EML6: variants seen among roughly 807,000 people sequenced by gnomAD.
The protein encoded by EML6 is EMAP like 6, also known as echinoderm microtubule-associated protein-like 6.
In EML6, 154 loss-of-function variants were observed where a neutral mutation model predicts 240.1. The observed-to-expected ratio is 0.64, with a 90% confidence interval of 0.56 to 0.73. The LOEUF is 0.73. EML6 is among the 30% of genes least tolerant of loss of function. The pLI, the probability that EML6 is intolerant of heterozygous loss-of-function variation, is 0.00. For missense variants in EML6, 2,964 were observed against 2,474.6 expected, an observed-to-expected ratio of 1.20 and a Z score of -4.20; for synonymous variants, 1,148 against 899.0, an observed-to-expected ratio of 1.28 and a Z score of -4.95.
intron 18 of EML6, among the ~76,000 whole-genome samples, chr2:54,891,568 G>A (rs925287177): frequency 3.3e-5 from 5 of 152,116 alleles, no homozygotes; most frequent in Non-Finnish European, 7.4e-5. Context: ...CCACAAATAG[G>A]TGGTCCAATA....
intron 2 of EML6, among the ~76,000 whole-genome samples, chr2:54,799,854 G>GT (rs1670024700): frequency 6.6e-6 from 1 of 152,218 alleles, no homozygotes; most frequent in Non-Finnish European, 1.5e-5. Flanking sequence ...TGCTCAGTTT[G>GT]TTACTAGATA....
intron 2 of EML6, among the ~76,000 whole-genome samples, chr2:54,728,658 C>A (rs1683016702): frequency 6.6e-6 from 1 of 152,130 alleles, no homozygotes; most frequent in Non-Finnish European, 1.5e-5. Flanking sequence ...AAAATGTATG[C>A]AAAGGGTTTA....
intron 16 of EML6, among the ~76,000 whole-genome samples, chr2:54,877,370 C>T (rs1472640846): frequency 6.6e-6 from 1 of 152,118 alleles, no homozygotes; most frequent in Non-Finnish European, 1.5e-5. Context: ...TCTTCCTCAT[C>T]ATCAGTGTCA....
intron 2 of EML6, among the ~76,000 whole-genome samples, chr2:54,783,022 G>C (rs1199739378): frequency 6.6e-6 from 1 of 152,190 alleles, no homozygotes; most frequent in African/African-American, 2.4e-5. Context: ...TGCTGTCATT[G>C]CCCAATTAGC....
At chr2:54,934,337 ATGAGCTCCTCCCT>A (rs1675021461) in intron 28 of EML6, among the ~76,000 whole-genome samples, 3 of 151,962 alleles carry the variant, frequency 2.0e-5, no homozygotes, top group Non-Finnish European at 1.5e-5. Flanking sequence ...CCGCCCTCCC[ATGAGCTCCTCCCT>A]TGACGAGAGA....
At chr2:54,810,350 A>T (rs916446034) in intron 2 of EML6, among the ~76,000 whole-genome samples, 2 of 152,210 alleles carry the variant, frequency 1.3e-5, no homozygotes, top group South Asian at 4.1e-4. Context: ...CTTATTGAGT[A>T]ACTAAGGCTC....
chr2:54,812,476 T>G (rs1048421649), intron 2 of EML6, among the ~76,000 whole-genome samples: 1 of 152,202 alleles, frequency 6.6e-6, no homozygotes, highest in Non-Finnish European at 1.5e-5. Context: ...AACGTCTGTT[T>G]TTTAGAAAGA....
chr2:54,728,708 C>G (rs1308930080), intron 2 of EML6, among the ~76,000 whole-genome samples: 1 of 152,174 alleles, frequency 6.6e-6, no homozygotes, highest in Non-Finnish European at 1.5e-5. Context: ...AATAAATATT[C>G]TTAGTTGTGG....
At chr2:54,910,806 C>G (rs987101452) in intron 24 of EML6, 148 bp from the exon 25 acceptor site, 58 of 536,276 alleles carry the variant, frequency 1.1e-4, no homozygotes, top group Non-Finnish European at 1.9e-4. Context: ...ATTGGCTGTA[C>G]ATGCCCTTCT....
chr2:54,911,123 C>T, intron 25 of EML6, 81 bp downstream of exon 25: 1 of 703,378 alleles, frequency 1.4e-6, no homozygotes, highest in Non-Finnish European at 2.5e-6. Flanking sequence ...ATCACGTTAA[C>T]CACTAATATG....
At chr2:54,955,942 A>G (rs888187517) in intron 32 of EML6, among the ~76,000 whole-genome samples, 2 of 152,074 alleles carry the variant, frequency 1.3e-5, no homozygotes, top group African/African-American at 4.8e-5. Context: ...GTGTTTGGGG[A>G]GGTTTACATA....
chr2:54,761,913 A>G (rs1021189839), intron 2 of EML6, among the ~76,000 whole-genome samples: 3 of 151,958 alleles, frequency 2.0e-5, no homozygotes, highest in Non-Finnish European at 4.4e-5. Flanking sequence ...TTTTACCCTT[A>G]ATACTAAAAC....
At chr2:54,881,018 T>A (rs927372816) in intron 17 of EML6, 4 of 152,148 alleles carry the variant, frequency 2.6e-5, no homozygotes, top group Non-Finnish European at 5.9e-5. Context: ...ACTGCCTCTA[T>A]TTAACACAAA....
Position 54,800,069 on chromosome 2 carries a change from AC to A in EML6, c.198-13159del, listed in dbSNP as rs542934813. Among the ~76,000 whole-genome samples the A allele has an allele frequency of 1.8e-3, 269 of 151,600 alleles. 2 individuals carry two copies. The highest frequency in any genetic ancestry group is 5.1e-3 in the African/African-American group (211 of 41,292). On this transcript the variant is annotated intron_variant, in intron 2 of 41. Transcript: ENST00000356458. ...AGACCATCCTGGCCAACATGGTGAAACCCCGTCTCTACTAAAATTACAAAAA... is the reference window on the plus strand; with the variant it reads ...AGACCATCCTGGCCAACATGGTGAAACCCGTCTCTACTAAAATTACAAAAA...
At chr2:54,860,191 G>C (rs746646053) in intron 12 of EML6, among the ~76,000 whole-genome samples, 4 of 152,158 alleles carry the variant, frequency 2.6e-5, no homozygotes, top group African/African-American at 9.7e-5. Flanking sequence ...TCTCCCTGTG[G>C]AGAGAATGGT....
chr2:54,857,629 A>G (rs1340030205), intron 11 of EML6, among the ~76,000 whole-genome samples: 2 of 152,200 alleles, frequency 1.3e-5, no homozygotes, highest in Non-Finnish European at 2.9e-5. Flanking sequence ...GAATGCTGGA[A>G]TTGGGCAGTG....
intron 2 of EML6, among the ~76,000 whole-genome samples, chr2:54,807,978 A>G (rs897285522): frequency 3.3e-5 from 5 of 152,332 alleles, no homozygotes; most frequent in Admixed American, 2.0e-4. Context: ...TATTTTACTA[A>G]ATCACATTCT....
At position 54,959,261 on chromosome 2, in the gene EML6, C is replaced by A. The variant is rs1302531840; in HGVS notation, c.4853C>A (p.Pro1618Gln). The change falls in exon 34 of 42, where the codon CCG (proline) becomes CAG (glutamine). Residue 1618 changes from proline to glutamine, a missense_variant and splice_region_variant. Physicochemically the swap from Pro to Gln is moderately conservative, Grantham distance 76. Coordinates refer to ENST00000356458, the MANE Select transcript of EML6 (RefSeq NM_001039753.4). ...ATAGTGACCGGCGGAAAAGAGAGGCCGTAAGCCAAAGCTCCTATGGAAACA... is the reference window on the plus strand; with the variant it reads ...ATAGTGACCGGCGGAAAAGAGAGGCAGTAAGCCAAAGCTCCTATGGAAACA... ...GLIVTGGKER[P>Q]TKEGGAVKLW... 1 of 1,526,034 alleles carries A rather than the reference C, an allele frequency of 6.6e-7. No individual in the cohort carries two copies. The highest frequency in any genetic ancestry group is 8.8e-7 in the Non-Finnish European group (1 of 1,134,130). The allele number at this position is 1,526,034 out of a possible 1,614,324, so 94.5% of individuals were successfully genotyped here.
At chr2:54,828,442 C>G (rs1348770224) in intron 6 of EML6, among the ~76,000 whole-genome samples, 1 of 152,124 alleles carries the variant, frequency 6.6e-6, no homozygotes, top group Non-Finnish European at 1.5e-5. Flanking sequence ...AAAGGCAAAG[C>G]CTATCATAGT....
Sources: allele counts gnomAD v4.1 joint callset (sites outside exome capture counted in the v4.1 genomes callset), GRCh38; gene constraint gnomAD v4.1.1; transcripts MANE v1.5; gene names NCBI Gene and HGNC (gene_info 2026-07-23, HGNC 2026-07-21).